The following DNAH11 variants were observed in gnomAD, a reference collection of about 807,000 sequenced individuals.
DNAH11 encodes dynein axonemal heavy chain 11.
A neutral mutation model predicts 526.0 loss-of-function variants in DNAH11; 442 were observed. The observed-to-expected ratio is 0.84, with a 90% CI of 0.78 to 0.91. DNAH11 has a LOEUF of 0.91. Ranked by LOEUF, DNAH11 falls within the 40% of genes least tolerant of loss-of-function variation. The pLI, the probability that DNAH11 is intolerant of heterozygous loss-of-function variation, is 0.00. For synonymous variants in DNAH11, 2,461 were observed against 1,935.9 expected (o/e 1.27, Z -7.12); for missense variants, 6,989 against 5,448.7 (o/e 1.28, Z -8.90).
At position 21,873,091 on chromosome 7, in the gene DNAH11, C is replaced by CT. The variant is rs911956193; in HGVS notation, c.11968-170dup. ...TGTTCAAGGTTCAATTCCCTTTTGG[C>CT]TTTTTTTTTTTTTGATGTATTGATG... On this transcript the variant is annotated intron_variant, in intron 73 of 81. Coordinates refer to ENST00000409508, the MANE Select transcript of DNAH11 (RefSeq NM_001277115.2). Among the ~76,000 whole-genome samples, 5,495 of 132,908 alleles carry CT rather than the reference C, an allele frequency of 0.041. 235 individuals carry two copies. Among genetic ancestry groups the CT allele is most frequent in the African/African-American group, 0.11 (4,121 of 36,920 alleles). 87.2% of individuals were successfully genotyped at this position (132,908 alleles called of 152,430 possible).
Position 21,624,246 on chromosome 7 carries a change from A to G in DNAH11, c.4500+4168A>G, listed in dbSNP as rs562807265. Among the ~76,000 whole-genome samples, 36 of 152,144 alleles carry G rather than the reference A, an allele frequency of 2.4e-4. No individual in the cohort carries two copies. The South Asian group carries it at 6.2e-3, about 26-fold the overall frequency. On this transcript the variant is annotated intron_variant, in intron 25 of 81. Coordinates refer to ENST00000409508, the MANE Select transcript of DNAH11 (RefSeq NM_001277115.2). The stretch of plus-strand genomic sequence containing the variant: ...TTGTATTATCTACATTTTTTCATCA[A>G]TGTTTTGTGGTTTTTAGTATACAGA...
intron 75 of DNAH11, among the ~76,000 whole-genome samples, chr7:21,881,193 A>C (rs1471855750): frequency 1.3e-5 from 2 of 152,342 alleles, no homozygotes; most frequent in East Asian, 1.9e-4. Flanking sequence ...TATATGCCAG[A>C]TTCATTAGGC....
At chr7:21,839,984 A>C (rs757500885) in intron 65 of DNAH11, among the ~76,000 whole-genome samples, 6 of 152,242 alleles carry the variant, frequency 3.9e-5, no homozygotes, top group Non-Finnish European at 8.8e-5. Context: ...AATAGTCTTT[A>C]CACATTAAAA....
rs761782372 is a variant in DNAH11, at chr7:21,705,483, G to C, written c.6492G>C (p.Leu2164Phe). 1.2e-6 allele frequency: 2 copies of C among 1,613,692 alleles called. No homozygotes were observed. Among genetic ancestry groups the C allele is most frequent in the Admixed American group, 3.3e-5 (2 of 59,988 alleles). ...AGGTTGTCCAGCTTGAGGAACTGTT[G>C]GCTGTGCGGCACTCGGTCTTTGTAG... ...ILKVVQLEEL[L>F]AVRHSVFVVG... is the part of the protein sequence containing the mutation. Residue 2164 changes from leucine (L) to phenylalanine (F), a missense_variant, in exon 39 of 82, where the codon TTG becomes TTC. Transcript: ENST00000409508.
intron 65 of DNAH11, among the ~76,000 whole-genome samples, chr7:21,833,235 T>G (rs1173519565): frequency 6.6e-6 from 1 of 152,230 alleles, no homozygotes; most frequent in Non-Finnish European, 1.5e-5. Flanking sequence ...GGTTGAAACA[T>G]GAAGTTCATG....
At chr7:21,719,185 T>A (rs1278366719) in intron 43 of DNAH11, among the ~76,000 whole-genome samples, 1 of 152,226 alleles carries the variant, frequency 6.6e-6, no homozygotes, top group Non-Finnish European at 1.5e-5. Context: ...TTTTAGCTCC[T>A]TTTAAGCTGT....
At chr7:21,654,510 C>T (rs940936464) in intron 28 of DNAH11, among the ~76,000 whole-genome samples, 7 of 152,062 alleles carry the variant, frequency 4.6e-5, no homozygotes, top group East Asian at 1.9e-4. Flanking sequence ...AGGTTGTTTC[C>T]GCCTTTTGGC....
chr7:21,581,834 C>T (rs375789745), intron 8 of DNAH11, 71 bp from the exon 9 acceptor site: 120 of 938,906 alleles, frequency 1.3e-4, no homozygotes, highest in South Asian at 1.1e-4. Context: ...AGTAAGGTCA[C>T]GCTTGTGTGA....
chr7:21,726,291 T>G (rs2074764), intron 45 of DNAH11, among the ~76,000 whole-genome samples: 1 of 151,520 alleles, frequency 6.6e-6, no homozygotes, highest in African/African-American at 2.4e-5. Context: ...AGTACCAAGA[T>G]GGATGGTGCT....
intron 45 of DNAH11, among the ~76,000 whole-genome samples, chr7:21,728,969 G>A (rs1349328915): frequency 6.6e-6 from 1 of 152,232 alleles, no homozygotes; most frequent in Non-Finnish European, 1.5e-5. Context: ...TTGCCCTTGG[G>A]GGCAGCAGCC....
At position 21,615,271 on chromosome 7, in the gene DNAH11, G is replaced by A. The variant is rs1199098593; in HGVS notation, c.4010G>A (p.Arg1337Gln). 10 of 1,609,314 alleles carry A rather than the reference G, an allele frequency of 6.2e-6. No individual in the cohort carries two copies. The highest frequency in any genetic ancestry group is 2.2e-5 in the East Asian group (1 of 44,690). ...KGLWDVIIYV[R>Q]RSIDNWTKTQ... Reference sequence around the variant, plus strand: ...CTGTGGGATGTCATTATTTATGTTCGAGTAAGATGTGCTTTTTCAAAACAT... The same window carrying A: ...CTGTGGGATGTCATTATTTATGTTCAAGTAAGATGTGCTTTTTCAAAACAT... The change falls in exon 21 of 82, where the codon CGA (arginine) becomes CAA (glutamine). Residue 1337 changes from arginine to glutamine, a missense_variant and splice_region_variant. By Grantham distance (43) the Arg-to-Gln change is conservative. Transcript: ENST00000409508.
chr7:21,585,882 A>T (rs1374972634), intron 9 of DNAH11, among the ~76,000 whole-genome samples: 1 of 152,236 alleles, frequency 6.6e-6, no homozygotes, highest in Non-Finnish European at 1.5e-5. Context: ...ATTTAGAAAG[A>T]GAAGCATGTG....
At chr7:21,571,172 G>A (rs1369007959) in intron 7 of DNAH11, among the ~76,000 whole-genome samples, 1 of 152,144 alleles carries the variant, frequency 6.6e-6, no homozygotes, top group Non-Finnish European at 1.5e-5. Flanking sequence ...GAAAACAGGA[G>A]TTTTGGATAT....
At position 21,640,769 on chromosome 7, in the gene DNAH11, G is replaced by A. The variant is rs541470299; in HGVS notation, c.4944+1704G>A. Among the ~76,000 whole-genome samples the A allele has an allele frequency of 2.0e-5, 3 of 152,140 alleles. No homozygotes were observed. The East Asian group carries it at 5.8e-4, about 29-fold the overall frequency. ...AAAAGCAACTCAGCATATTCTAGTT[G>A]GAAATTTCCATCTCATCTCCATGTC... On this transcript the variant is annotated intron_variant, in intron 28 of 81. Coordinates refer to ENST00000409508, the MANE Select transcript of DNAH11 (RefSeq NM_001277115.2).
chr7:21,613,755 T>G (rs1216217296), intron 20 of DNAH11, among the ~76,000 whole-genome samples: 1 of 152,176 alleles, frequency 6.6e-6, no homozygotes, highest in African/African-American at 2.4e-5. Flanking sequence ...TAGAGCCATT[T>G]CACAATATAT....
intron 65 of DNAH11, among the ~76,000 whole-genome samples, chr7:21,830,046 T>C (rs1320496253): frequency 6.6e-6 from 1 of 152,204 alleles, no homozygotes; most frequent in Non-Finnish European, 1.5e-5. Flanking sequence ...GGCTGGGTTT[T>C]GAATAAACAT....
chr7:21,858,441 A>T (rs780149090), intron 68 of DNAH11, among the ~76,000 whole-genome samples: 22 of 152,378 alleles, frequency 1.4e-4, no homozygotes, highest in Middle Eastern at 3.4e-3. Flanking sequence ...TGCTTTATTC[A>T]TAAAAGCCAA....
Position 21,545,020 on chromosome 7 carries a change from A to G in DNAH11, c.366A>G (p.Ala122=). The change falls in exon 2 of 82, where the codon GCA becomes GCG. Residue 122 remains alanine (A), a synonymous_variant. Coordinates refer to ENST00000409508, the MANE Select transcript of DNAH11 (RefSeq NM_001277115.2). Reference sequence around the variant, plus strand: ...TCTTGTTTTAGATTCCAAGAGATGCAAACCATAAACTTGTTTTTATTTCCA... The same window carrying G: ...TCTTGTTTTAGATTCCAAGAGATGCGAACCATAAACTTGTTTTTATTTCCA... ...LAASQEIPRD[A]NHKLVFISKK... 6.3e-7 allele frequency: 1 copy of G among 1,587,782 alleles called. No homozygotes were observed. Among genetic ancestry groups the G allele is most frequent in the South Asian group, 1.2e-5 (1 of 85,976 alleles).
chr7:21,766,486 T>A (rs769980695), intron 55 of DNAH11, among the ~76,000 whole-genome samples: 5 of 152,180 alleles, frequency 3.3e-5, no homozygotes, highest in Admixed American at 6.5e-5. Flanking sequence ...TGAGGAATGA[T>A]GTCTGTTTCT....
Sources: gnomAD v4.1 joint callset for allele counts (sites outside exome capture counted in the v4.1 genomes callset) on GRCh38, gnomAD v4.1.1 for gene constraint, MANE v1.5 for transcripts, NCBI Gene and HGNC (gene_info 2026-07-23, HGNC 2026-07-21) for gene names.